Variants in GPD1 observed in about 807,000 individuals in gnomAD.
GPD1 encodes glycerol-3-phosphate dehydrogenase [NAD(+)], cytoplasmic.
Under a neutral mutation model 34.4 loss-of-function variants are expected in GPD1, and 19 were observed. The observed-to-expected ratio is 0.55, with a 90% CI of 0.39 to 0.81. The LOEUF (loss-of-function observed/expected upper bound fraction) is 0.81. Among genes scored for constraint, GPD1 ranks in the 30% least tolerant of loss-of-function variants. The pLI is 0.00. For synonymous variants in GPD1, 172 were observed against 174.1 expected (o/e 0.99, Z 0.09); for missense variants, 429 against 447.0 (o/e 0.96, Z 0.36).
In GPD1 at chr12:50,108,189, G is replaced by C. The variant is rs796682111; in HGVS notation, c.953+59G>C. 12 of 928,868 alleles carry C rather than the reference G, an allele frequency of 1.3e-5. No homozygotes were observed. In the African/African-American group the frequency reaches 1.9e-4, roughly 15 times the overall value. 57.5% of individuals were successfully genotyped at this position (928,868 alleles called of 1,614,324 possible). A position where few individuals can be genotyped will look rare whatever the true frequency, so the allele number is the denominator to read the frequency against. On this transcript the variant is annotated intron_variant, in intron 7 of 7. Coordinates refer to ENST00000301149, the MANE Select transcript of GPD1 (RefSeq NM_005276.4). ...AGCCACAGCCAGAAGTGCTCGCCCT[G>C]TTCATCATCTTCCTAAACCTGCCAC... is the stretch of plus-strand genomic sequence containing the variant.
chr12:50,106,909 GC>G lies in GPD1; in HGVS notation c.606del (p.Leu203Ter), dbSNP rs772834290. ...GGTGGACACAGTAGAGATCTGTGGAGCCTTAAAGGTGAGAGGGGCACAGAGG... is the reference window on the plus strand; with the variant it reads ...GGTGGACACAGTAGAGATCTGTGGAGCTTAAAGGTGAGAGGGGCACAGAGG... ...QEVDTVEICG[A>X]LKNVVAVGAG... On this transcript the variant is annotated frameshift_variant, in exon 5 of 8. Coordinates refer to ENST00000301149, the MANE Select transcript of GPD1 (RefSeq NM_005276.4). LOFTEE classifies it high-confidence loss of function. The G allele has an allele frequency of 3.6e-5, 57 of 1,599,814 alleles. No homozygotes were observed. The highest frequency in any genetic ancestry group is 4.7e-5 in the Non-Finnish European group (55 of 1,167,020).
At chr12:50,106,089 C>T (rs930839560) in intron 3 of GPD1, 199 bp from the exon 4 acceptor site, 4 of 619,002 alleles carry the variant, frequency 6.5e-6, no homozygotes, top group Middle Eastern at 2.9e-4. Context: ...GAGAAGTAGA[C>T]TGGTTGAGGG....
chr12:50,106,433 GC>G lies in GPD1; in HGVS notation c.499+12del. The G allele has an allele frequency of 6.2e-7, 1 of 1,613,078 alleles. No homozygotes were observed. Among genetic ancestry groups the G allele is most frequent in the Non-Finnish European group, 8.5e-7 (1 of 1,179,300 alleles). On this transcript the variant is annotated splice_region_variant and intron_variant, in intron 4 of 7. Coordinates refer to ENST00000301149, the MANE Select transcript of GPD1 (RefSeq NM_005276.4). ...TTCTGTGAGACAACCATTGGTGAGA[GC>G]CCCCTGGCACCTGCATACACAGTGC...
At chr12:50,108,366 T>C (rs1950998600) in intron 7 of GPD1, among the ~76,000 whole-genome samples, 1 of 152,198 alleles carries the variant, frequency 6.6e-6, no homozygotes, top group South Asian at 2.1e-4. Flanking sequence ...ATTACCTGGA[T>C]CCCTTTGTGC....
rs758009331 is a variant in GPD1 at position 50,108,109 on chromosome 12, A to C, written c.932A>C (p.Gln311Pro). ...GCCCGGGAGCTATACAGCATCCTCC[A>C]GCACAAGGGCCTGGTAGACAAGTAA... ...ETARELYSIL[Q>P]HKGLVDKFPL... Residue 311 changes from glutamine (Q) to proline (P), a missense_variant, in exon 7 of 8, where the codon CAG becomes CCG. By Grantham distance (76) the Gln-to-Pro change is moderately conservative. Transcript: ENST00000301149. The C allele has an allele frequency of 3.1e-6, 5 of 1,607,014 alleles. No homozygotes were observed. The highest frequency in any genetic ancestry group is 3.3e-5 in the Admixed American group (2 of 59,906).
intron 5 of GPD1, chr12:50,107,346 G>A (rs1950986863): frequency 1.4e-6 from 1 of 690,812 alleles, no homozygotes; most frequent in Admixed American, 2.0e-5. Flanking sequence ...GAGAAGAGTG[G>A]TTTTCAGAAA....
chr12:50,106,939 C>T, intron 5 of GPD1, 22 bp downstream of exon 5: 1 of 1,444,690 alleles, frequency 6.9e-7, no homozygotes, highest in East Asian at 2.3e-5. Flanking sequence ...ACAGAGGCAG[C>T]TATGGGGTGA....
At position 50,109,777 on chromosome 12, in the gene GPD1, T is replaced by G; in HGVS notation, c.*258T>G. 2.2e-6 allele frequency: 1 copy of G among 459,328 alleles called. No homozygotes were observed. The highest frequency in any genetic ancestry group is 4.0e-6 in the Non-Finnish European group (1 of 248,616). The allele number at this position is 459,328 out of a possible 1,614,324, so 28.5% of individuals were successfully genotyped here. A position where few individuals can be genotyped will look rare whatever the true frequency, so the allele number is the denominator to read the frequency against. ...CTCCAGATGTGGGGCTTTCTCCATA[T>G]CCTCTGGGAGGGGTGGAATCAAGCC... is the stretch of plus-strand genomic sequence containing the variant. On this transcript the variant is annotated 3_prime_UTR_variant, in exon 8 of 8. Transcript: ENST00000301149.
chr12:50,105,193 G>T, intron 2 of GPD1: 1 of 319,626 alleles, frequency 3.1e-6, no homozygotes, highest in Admixed American at 4.5e-5. Context: ...CCCCTTCCCA[G>T]CTGGGGTTCC....
In GPD1 at chr12:50,106,686, C is replaced by T. The variant is rs372784267; in HGVS notation, c.500-119C>T. On this transcript the variant is annotated intron_variant, in intron 4 of 7. Transcript: ENST00000301149. ...ACTTAAGAGGCTGAGGTGGGAGGAT[C>T]GCTTAAGCCCAGGAGTTTGAGTCCA... 230 of 679,196 alleles carry T rather than the reference C, an allele frequency of 3.4e-4. No homozygotes were observed. In the East Asian group the frequency reaches 4.1e-3, roughly 12 times the overall value. The allele number at this position is 679,196 out of a possible 1,614,324, so 42.1% of individuals were successfully genotyped here.
At chr12:50,108,204 A>G (rs1043194837) in intron 7 of GPD1, 74 bp downstream of exon 7, 12 of 815,912 alleles carry the variant, frequency 1.5e-5, no homozygotes, top group African/African-American at 3.4e-5. Context: ...TCATCTTCCT[A>G]AACCTGCCAC....
chr12:50,104,340 G>A, intron 1 of GPD1: 1 of 705,374 alleles, frequency 1.4e-6, no homozygotes, highest in East Asian at 2.7e-5. Flanking sequence ...GAGTTTGGGG[G>A]TGGGAAGATG....
At chr12:50,109,305 C>T in intron 7 of GPD1, 118 bp from the exon 8 acceptor site, 1 of 658,466 alleles carries the variant, frequency 1.5e-6, no homozygotes, top group Non-Finnish European at 2.8e-6. Flanking sequence ...TCACAGCCAT[C>T]CTTCCTGAGC....
At chr12:50,105,363 T>TG in intron 2 of GPD1, 185 bp from the exon 3 acceptor site, 1 of 609,374 alleles carries the variant, frequency 1.6e-6, no homozygotes, top group South Asian at 2.0e-5. Flanking sequence ...GGAGACAGAG[T>TG]GGTAGCTGGG....
In GPD1 at chr12:50,107,589, G is replaced by T. The variant is rs1473742446; in HGVS notation, c.635G>T (p.Gly212Val). 1.2e-6 allele frequency: 2 copies of T among 1,613,958 alleles called. No individual in the cohort carries two copies. The highest frequency in any genetic ancestry group is 2.7e-5 in the African/African-American group (2 of 74,904). Residue 212 changes from glycine to valine, a missense_variant, in exon 6 of 8, where the codon GGC becomes GTC. Gly to Val is a moderately radical substitution (Grantham distance 109). Coordinates refer to ENST00000301149, the MANE Select transcript of GPD1 (RefSeq NM_005276.4). Reference sequence around the variant, plus strand: ...AAGAATGTAGTGGCCGTGGGGGCTGGCTTCTGTGATGGCCTGGGCTTTGGC... The same window carrying T: ...AAGAATGTAGTGGCCGTGGGGGCTGTCTTCTGTGATGGCCTGGGCTTTGGC... ...ALKNVVAVGAGFCDGLGFGDN... is the reference protein window; with the variant it reads ...ALKNVVAVGAVFCDGLGFGDN...
rs565703593 is a variant in GPD1 at position 50,107,615 on chromosome 12, G to A, written c.661G>A (p.Asp221Asn). Residue 221 changes from aspartate (D) to asparagine (N), a missense_variant, in exon 6 of 8, where the codon GAC becomes AAC. By Grantham distance (23) the Asp-to-Asn change is conservative (BLOSUM62 1). Coordinates refer to ENST00000301149, the MANE Select transcript of GPD1 (RefSeq NM_005276.4). ...CTTCTGTGATGGCCTGGGCTTTGGC[G>A]ACAACACCAAGGCGGCAGTGATCCG... is the stretch of plus-strand genomic sequence containing the variant. ...AGFCDGLGFG[D>N]NTKAAVIRLG... 3.7e-5 allele frequency: 59 copies of A among 1,614,106 alleles called. No homozygotes were observed. The Middle Eastern group carries it at 4.9e-4, about 14-fold the overall frequency.
chr12:50,106,766 G>T lies in GPD1; in HGVS notation c.500-39G>T, dbSNP rs748468737. 3.5e-6 allele frequency: 4 copies of T among 1,134,778 alleles called. No homozygotes were observed. The Admixed American group carries it at 9.1e-5, about 26-fold the overall frequency. 70.3% of individuals were successfully genotyped at this position (1,134,778 alleles called of 1,614,324 possible). A position where few individuals can be genotyped will look rare whatever the true frequency, so the allele number is the denominator to read the frequency against. The stretch of plus-strand genomic sequence containing the variant: ...CTATAAAATAAATATTTTTTAAAAA[G>T]AGTCCTTCCCTCAAAGCCTTGCCCC... On this transcript the variant is annotated intron_variant, in intron 4 of 7. Transcript: ENST00000301149.
chr12:50,107,473 TG>T, intron 5 of GPD1, 93 bp from the exon 6 acceptor site: 1 of 949,330 alleles, frequency 1.1e-6, no homozygotes, highest in African/African-American at 1.6e-5. Context: ...TCTTCTGCAG[TG>T]GGTGTCACGG....
At chr12:50,107,944 C>T in intron 6 of GPD1, 80 bp from the exon 7 acceptor site, 2 of 1,034,332 alleles carry the variant, frequency 1.9e-6, no homozygotes, top group South Asian at 2.6e-5. Flanking sequence ...ACCCCACTCC[C>T]ATCTGAGCTC....
Sources: allele counts gnomAD v4.1 joint callset (sites outside exome capture counted in the v4.1 genomes callset), GRCh38; gene constraint gnomAD v4.1.1; transcripts MANE v1.5; gene names NCBI Gene and HGNC (gene_info 2026-07-23, HGNC 2026-07-21).